The following CACNA1E variants were observed in gnomAD, a reference collection of about 807,000 sequenced individuals.
CACNA1E encodes the protein calcium voltage-gated channel subunit alpha1 E.
CACNA1E carries 40 observed loss-of-function variants against 259.2 expected under a neutral mutation model. The observed-to-expected ratio is 0.15, with a 90% CI of 0.12 to 0.20. CACNA1E has a LOEUF of 0.20. CACNA1E is among the 10% of genes least tolerant of loss of function. CACNA1E has a pLI of 1.00. For synonymous variants in CACNA1E, 1,104 were observed against 1,138.5 expected (o/e 0.97, Z 0.61); for missense variants, 1,874 against 3,040.1 (o/e 0.62, Z 9.02).
intron 2 of CACNA1E, among the ~76,000 whole-genome samples, chr1:181,429,023 A>T (rs1659515959): frequency 6.6e-6 from 1 of 152,014 alleles, no homozygotes; most frequent in Non-Finnish European, 1.5e-5. Context: ...CTCTACTAAA[A>T]ATATAAAAAT....
At chr1:181,381,185 C>A (rs1655436659) in intron 1 of CACNA1E, among the ~76,000 whole-genome samples, 1 of 151,532 alleles carries the variant, frequency 6.6e-6, no homozygotes, top group African/African-American at 2.4e-5. Context: ...AAAAAAATGT[C>A]CATATAAAGA....
intron 7 of CACNA1E, among the ~76,000 whole-genome samples, chr1:181,696,504 T>A (rs185825145): frequency 2.5e-4 from 38 of 152,332 alleles, no homozygotes; most frequent in African/African-American, 8.9e-4. Flanking sequence ...TAGTTACCCC[T>A]TCAGAAGTAA....
chr1:181,360,189 G>A (rs895672945), intron 1 of CACNA1E, among the ~76,000 whole-genome samples: 2 of 152,020 alleles, frequency 1.3e-5, no homozygotes, highest in East Asian at 1.9e-4. Context: ...AAAAACATAG[G>A]GTTTACCCAA....
At chr1:181,719,425 T>C (rs1020782794) in intron 12 of CACNA1E, among the ~76,000 whole-genome samples, 4 of 152,222 alleles carry the variant, frequency 2.6e-5, no homozygotes, top group Non-Finnish European at 5.9e-5. Context: ...AAGCAACTTG[T>C]ACTAATCAGT....
chr1:181,588,434 G>T (rs188107770), intron 6 of CACNA1E, among the ~76,000 whole-genome samples: 11 of 152,226 alleles, frequency 7.2e-5, no homozygotes, highest in Admixed American at 5.2e-4. Flanking sequence ...TCTCCCCACC[G>T]CTCCCTCCCT....
chr1:181,785,175 T>C, intron 41 of CACNA1E, 143 bp from the exon 42 acceptor site: 1 of 649,824 alleles, frequency 1.5e-6, no homozygotes. Context: ...CCTGGCACCA[T>C]GGGGGCCCTC....
At chr1:181,509,948 G>A (rs1484771615) in intron 1 of CACNA1E, among the ~76,000 whole-genome samples, 2 of 152,164 alleles carry the variant, frequency 1.3e-5, no homozygotes, top group African/African-American at 4.8e-5. Flanking sequence ...TTTTCCAGAT[G>A]TTCTTCTGTT....
chr1:181,794,737 G>A, intron 45 of CACNA1E, 127 bp from the exon 46 acceptor site: 1 of 718,732 alleles, frequency 1.4e-6, no homozygotes, highest in Non-Finnish European at 2.3e-6. Context: ...GAGATTCAAG[G>A]GAAGTTACCA....
intron 2 of CACNA1E, among the ~76,000 whole-genome samples, chr1:181,473,887 T>C (rs1421802056): frequency 6.6e-6 from 1 of 152,230 alleles, no homozygotes; most frequent in Non-Finnish European, 1.5e-5. Flanking sequence ...TTCCTTTCAG[T>C]CTTGCTTCTC....
intron 3 of CACNA1E, among the ~76,000 whole-genome samples, chr1:181,560,082 G>C (rs1163874727): frequency 4.0e-5 from 6 of 151,702 alleles, no homozygotes; most frequent in Non-Finnish European, 7.4e-5. Context: ...TTAGCAATCA[G>C]AACATGTACT....
intron 6 of CACNA1E, among the ~76,000 whole-genome samples, chr1:181,618,429 G>A (rs1307941170): frequency 6.6e-6 from 1 of 152,220 alleles, no homozygotes; most frequent in African/African-American, 2.4e-5. Flanking sequence ...GCTGGGCATG[G>A]TGGTGCATGC....
At chr1:181,479,758 G>C (rs958261816), upstream of CACNA1E, among the ~76,000 whole-genome samples, 1 of 152,054 alleles carries the variant, frequency 6.6e-6, no homozygotes, top group African/African-American at 2.4e-5. Flanking sequence ...TGTCCTGAAG[G>C]GCAGCATGGG....
intron 5 of CACNA1E, among the ~76,000 whole-genome samples, chr1:181,580,241 A>G (rs1292734710): frequency 6.6e-6 from 1 of 152,194 alleles, no homozygotes; most frequent in Non-Finnish European, 1.5e-5. Flanking sequence ...CTCATCCTGG[A>G]GTCTGAAGCC....
At chr1:181,760,933 G>A (rs1244436862) in intron 32 of CACNA1E, among the ~76,000 whole-genome samples, 4 of 152,154 alleles carry the variant, frequency 2.6e-5, no homozygotes, top group Admixed American at 6.5e-5. Flanking sequence ...CATGCACCAA[G>A]GTTTAGAAAG....
intron 2 of CACNA1E, among the ~76,000 whole-genome samples, chr1:181,414,439 G>A (rs182553481): frequency 1.3e-5 from 2 of 152,338 alleles, no homozygotes; most frequent in East Asian, 1.9e-4. Flanking sequence ...ACAAGTAGGG[G>A]TAAATGAGCT....
chr1:181,778,504 A>G (rs116230553), intron 38 of CACNA1E, among the ~76,000 whole-genome samples: 1,578 of 152,340 alleles, frequency 0.01, 23 homozygotes, highest in African/African-American at 0.035. Flanking sequence ...TGTTGTGCTT[A>G]TAATTTCCAG....
At chr1:181,635,596 C>T (rs538380925) in intron 6 of CACNA1E, among the ~76,000 whole-genome samples, 1 of 152,188 alleles carries the variant, frequency 6.6e-6, no homozygotes, top group Non-Finnish European at 1.5e-5. Context: ...CTTATTAAAA[C>T]ACAGATTGCT....
At chr1:181,772,375 C>A in intron 37 of CACNA1E, 144 bp downstream of exon 37, 2 of 747,104 alleles carry the variant, frequency 2.7e-6, no homozygotes, top group Non-Finnish European at 4.4e-6. Flanking sequence ...CATGCACACA[C>A]TCACACTCAC....
At chr1:181,650,687 G>A (rs951698840) in intron 6 of CACNA1E, among the ~76,000 whole-genome samples, 29 of 150,880 alleles carry the variant, frequency 1.9e-4, no homozygotes, top group African/African-American at 3.7e-4. Flanking sequence ...TCGAGAATCC[G>A]GAATATGGAT....
Sources: gnomAD v4.1 joint callset for allele counts (sites outside exome capture counted in the v4.1 genomes callset) on GRCh38, gnomAD v4.1.1 for gene constraint, MANE v1.5 for transcripts, NCBI Gene and HGNC (gene_info 2026-07-23, HGNC 2026-07-21) for gene names.